STX2: variants seen among roughly 807,000 people sequenced by gnomAD.
STX2 encodes syntaxin 2.
A neutral mutation model predicts 40.6 loss-of-function variants in STX2; 27 were observed. That is an observed-to-expected ratio of 0.66 (90% CI 0.49 to 0.92). The LOEUF (loss-of-function observed/expected upper bound fraction) is 0.92. Among genes scored for constraint, STX2 ranks in the 40% least tolerant of loss-of-function variants. The probability of loss-of-function intolerance (pLI) is 0.00; values close to 1 mark genes in which losing one functional copy is unlikely to be tolerated. For missense variants in STX2, 328 were observed against 366.1 expected (o/e 0.90, Z 0.85); for synonymous variants, 123 against 119.1 (o/e 1.03, Z -0.22).
In STX2 at chr12:130,820,682, T is replaced by A. The variant is rs1449858596; in HGVS notation, c.205+1007A>T. Among the ~76,000 whole-genome samples, 4 of 150,822 alleles carry A rather than the reference T, an allele frequency of 2.7e-5. No homozygotes were observed. The East Asian group carries it at 5.8e-4, about 22-fold the overall frequency. On this transcript the variant is annotated intron_variant, in intron 3 of 10. Transcript: ENST00000392373. ...CTCCGTCTCAAAATAAAAAAAAAAA[T>A]AGATAAATAAAAAATAAAGTACATA...
chr12:130,821,005 C>T (rs537653753), intron 3 of STX2, among the ~76,000 whole-genome samples: 2 of 152,298 alleles, frequency 1.3e-5, no homozygotes, highest in Admixed American at 6.5e-5. Context: ...ATAGCTCCCA[C>T]GCCCCTAACG....
chr12:130,802,797 C>G (rs1369915622), intron 6 of STX2, among the ~76,000 whole-genome samples: 2 of 152,164 alleles, frequency 1.3e-5, no homozygotes, highest in African/African-American at 4.8e-5. Context: ...GCCACCACAC[C>G]CTGCCCACCC....
intron 9 of STX2, among the ~76,000 whole-genome samples, chr12:130,797,226 A>T (rs1455042125): frequency 6.6e-6 from 1 of 152,170 alleles, no homozygotes; most frequent in East Asian, 1.9e-4. Flanking sequence ...AACTTTCACT[A>T]TCGTTTTCAC....
intron 10 of STX2, 51 bp downstream of exon 10, chr12:130,795,944 T>C (rs1191112764): frequency 1.1e-5 from 17 of 1,560,404 alleles, no homozygotes; most frequent in Non-Finnish European, 1.4e-5. Flanking sequence ...CAAATACTAT[T>C]ATTGGTTAAT....
intron 5 of STX2, among the ~76,000 whole-genome samples, chr12:130,807,669 C>T (rs1951492353): frequency 6.6e-6 from 1 of 152,184 alleles, no homozygotes; most frequent in Non-Finnish European, 1.5e-5. Flanking sequence ...AACGTGGCGG[C>T]CTTACCACAA....
chr12:130,821,056 G>T (rs1952093309), intron 3 of STX2, among the ~76,000 whole-genome samples: 1 of 152,182 alleles, frequency 6.6e-6, no homozygotes, highest in Non-Finnish European at 1.5e-5. Context: ...CCAATGAGGA[G>T]ATGCAAATAC....
intron 6 of STX2, among the ~76,000 whole-genome samples, chr12:130,803,666 CA>C (rs869033438): frequency 0.05 from 844 of 16,740 alleles, 3 homozygotes; most frequent in African/African-American, 0.14. Context: ...GGCTCTCTCT[CA>C]AAAAAAAAAA....
At chr12:130,835,532 T>C (rs1200904829) in intron 1 of STX2, among the ~76,000 whole-genome samples, 1 of 152,204 alleles carries the variant, frequency 6.6e-6, no homozygotes, top group East Asian at 1.9e-4. Context: ...TTTTAAAAAG[T>C]AATCAAAATA....
chr12:130,838,972 A>G, intron 1 of STX2, 98 bp downstream of exon 1: 28 of 551,926 alleles, frequency 5.1e-5, no homozygotes, highest in Non-Finnish European at 5.2e-5. Flanking sequence ...CGCCCTGGGG[A>G]CCCTCCCGGA....
chr12:130,815,761 G>A (rs1469028096), intron 3 of STX2, among the ~76,000 whole-genome samples: 1 of 152,184 alleles, frequency 6.6e-6, no homozygotes, highest in African/African-American at 2.4e-5. Context: ...TTGTAGGGGG[G>A]CAAGCGCCTG....
intron 3 of STX2, among the ~76,000 whole-genome samples, chr12:130,820,738 C>T (rs1473010857): frequency 6.6e-6 from 1 of 152,080 alleles, no homozygotes; most frequent in Non-Finnish European, 1.5e-5. Context: ...ACATTGACTA[C>T]CTAGGAATAA....
At chr12:130,807,550 C>T (rs896837687) in intron 5 of STX2, among the ~76,000 whole-genome samples, 1 of 152,006 alleles carries the variant, frequency 6.6e-6, no homozygotes, top group Non-Finnish European at 1.5e-5. Context: ...CGCCTTGTGC[C>T]CATGAGGGGA....
At position 130,806,000 on chromosome 12, in the gene STX2, C is replaced by T. The variant is rs184092376; in HGVS notation, c.463+982G>A. On this transcript the variant is annotated intron_variant, in intron 6 of 10. Coordinates refer to ENST00000392373, the MANE Select transcript of STX2 (RefSeq NM_194356.4). Reference sequence around the variant, plus strand: ...GGAGCAACACAGCAGACATGTAAAACACCCAGCAGAACTAGCAACAGAAAC... The same window carrying T: ...GGAGCAACACAGCAGACATGTAAAATACCCAGCAGAACTAGCAACAGAAAC... 3.3e-5 allele frequency among the ~76,000 whole-genome samples: 5 copies of T among 152,312 alleles called. No homozygotes were observed. In the East Asian group the frequency reaches 9.6e-4, roughly 29 times the overall value.
At chr12:130,819,496 A>C (rs1952031866) in intron 3 of STX2, among the ~76,000 whole-genome samples, 1 of 152,258 alleles carries the variant, frequency 6.6e-6, no homozygotes, top group Non-Finnish European at 1.5e-5. Context: ...GTCACAAAAC[A>C]AAACACAAAA....
chr12:130,801,747 G>C (rs1352411967), intron 6 of STX2, among the ~76,000 whole-genome samples: 1 of 152,164 alleles, frequency 6.6e-6, no homozygotes, highest in Non-Finnish European at 1.5e-5. Flanking sequence ...AACAACTGCA[G>C]AAAGGAAATC....
chr12:130,808,567 A>C, intron 5 of STX2, 64 bp downstream of exon 5: 2 of 1,380,792 alleles, frequency 1.4e-6, no homozygotes, highest in South Asian at 2.5e-5. Context: ...CAGAGTCTGC[A>C]AGAAGAAAGT....
At chr12:130,797,177 G>GT (rs548367114) in intron 9 of STX2, among the ~76,000 whole-genome samples, 1 of 152,136 alleles carries the variant, frequency 6.6e-6, no homozygotes, top group Non-Finnish European at 1.5e-5. Flanking sequence ...GAATGAAAAC[G>GT]TATCACACCC....
Position 130,790,868 on chromosome 12 carries a change from G to A in STX2, c.*1155C>T, listed in dbSNP as rs1412462168. On this transcript the variant is annotated 3_prime_UTR_variant, in exon 11 of 11. Coordinates refer to ENST00000392373, the MANE Select transcript of STX2 (RefSeq NM_194356.4). ...AACAGGCGGAAACGGAGCTGAGGCC[G>A]AGGCTTTTCTGGAGGGCACCAGCAC... The A allele has an allele frequency of 1.3e-5, 2 of 152,744 alleles. No homozygotes were observed. Among genetic ancestry groups the A allele is most frequent in the African/African-American group, 2.4e-5 (1 of 41,566 alleles). 9.5% of individuals were successfully genotyped at this position (152,744 alleles called of 1,614,324 possible).
intron 3 of STX2, among the ~76,000 whole-genome samples, chr12:130,821,383 C>A (rs146124617): frequency 1.3e-5 from 2 of 152,342 alleles, no homozygotes; most frequent in Non-Finnish European, 2.9e-5. Flanking sequence ...TGCTGTCTTG[C>A]TGAACTGTGG....
Sources: allele counts gnomAD v4.1 joint callset (sites outside exome capture counted in the v4.1 genomes callset), GRCh38; gene constraint gnomAD v4.1.1; transcripts MANE v1.5; gene names NCBI Gene and HGNC (gene_info 2026-07-23, HGNC 2026-07-21).